TCF7L2: variants seen among roughly 807,000 people sequenced by gnomAD.
TCF7L2 encodes the protein transcription factor 7 like 2, also known as transcription factor 7-like 2.
Under a neutral mutation model 77.9 loss-of-function variants are expected in TCF7L2, and 23 were observed. The ratio of observed to expected loss-of-function variants is 0.30; its 90% confidence interval spans 0.21 to 0.42. The LOEUF (loss-of-function observed/expected upper bound fraction) is 0.42. Ranked by LOEUF, TCF7L2 falls within the 10% of genes least tolerant of loss-of-function variation. The pLI is 1.00. For missense variants in TCF7L2, 654 were observed against 793.1 expected, an observed-to-expected ratio of 0.82 and a Z score of 2.11; for synonymous variants, 413 against 340.2, an observed-to-expected ratio of 1.21 and a Z score of -2.36.
intron 4 of TCF7L2, among the ~76,000 whole-genome samples, chr10:113,027,244 T>G (rs1035034592): frequency 6.6e-6 from 1 of 152,220 alleles, no homozygotes; most frequent in Non-Finnish European, 1.5e-5. Flanking sequence ...ACATTCCTAG[T>G]TCCTCAACTG....
intron 5 of TCF7L2, among the ~76,000 whole-genome samples, chr10:113,042,464 G>A (rs1378929360): frequency 6.6e-6 from 1 of 152,104 alleles, no homozygotes; most frequent in Non-Finnish European, 1.5e-5. Flanking sequence ...CGGGGAGAAG[G>A]GAAAAGCCAT....
chr10:113,012,983 A>G (rs376401835), intron 4 of TCF7L2, among the ~76,000 whole-genome samples: 13 of 152,238 alleles, frequency 8.5e-5, no homozygotes, highest in African/African-American at 2.9e-4. Context: ...CGCCTGGTGC[A>G]GTCCGGCCCA....
In TCF7L2 at chr10:112,979,379, T is replaced by G. The variant is rs116524887; in HGVS notation, c.450+14755T>G. On this transcript the variant is annotated intron_variant, in intron 4 of 13. Transcript: ENST00000627217. ...ATTGAGTGCCCATTCCGGGCACATCTTTTATCCCAGAGTCAAATTCGTTAG... is the reference window on the plus strand; with the variant it reads ...ATTGAGTGCCCATTCCGGGCACATCGTTTATCCCAGAGTCAAATTCGTTAG... Among the ~76,000 whole-genome samples, 458 of 152,334 alleles carry G rather than the reference T, an allele frequency of 3.0e-3. 3 individuals carry two copies. The highest frequency in any genetic ancestry group is 0.01 in the African/African-American group (429 of 41,578).
chr10:113,034,047 T>A (rs2050705743), intron 4 of TCF7L2, among the ~76,000 whole-genome samples: 1 of 152,188 alleles, frequency 6.6e-6, no homozygotes, highest in African/African-American at 2.4e-5. Context: ...CAGGCAAAAT[T>A]ATTTGTTTAT....
chr10:113,023,079 C>T (rs1332237728), intron 4 of TCF7L2, among the ~76,000 whole-genome samples: 2 of 152,088 alleles, frequency 1.3e-5, no homozygotes, highest in Non-Finnish European at 2.9e-5. Flanking sequence ...ATTGTGGGGG[C>T]CGAGAAGAGG....
intron 4 of TCF7L2, among the ~76,000 whole-genome samples, chr10:112,991,402 G>A (rs1422884619): frequency 6.6e-6 from 1 of 152,016 alleles, no homozygotes; most frequent in Non-Finnish European, 1.5e-5. Context: ...CAGCTGCTCG[G>A]GAGTCTGAGG....
At chr10:113,051,987 T>G (rs2054551371) in intron 5 of TCF7L2, among the ~76,000 whole-genome samples, 1 of 152,198 alleles carries the variant, frequency 6.6e-6, no homozygotes, top group Non-Finnish European at 1.5e-5. Context: ...TCTCCTCTAC[T>G]TACTAACACT....
chr10:112,990,685 G>A (rs2042374418), intron 4 of TCF7L2, among the ~76,000 whole-genome samples: 1 of 152,054 alleles, frequency 6.6e-6, no homozygotes, highest in African/African-American at 2.4e-5. Context: ...CAGCCTGGAT[G>A]ACTGAGTGGG....
At chr10:113,037,660 G>A (rs2051576878) in intron 4 of TCF7L2, among the ~76,000 whole-genome samples, 1 of 152,134 alleles carries the variant, frequency 6.6e-6, no homozygotes, top group South Asian at 2.1e-4. Context: ...TCTTGGGTGG[G>A]TCCTCAGGGC....
chr10:113,057,094 G>C (rs1564835076), intron 5 of TCF7L2, among the ~76,000 whole-genome samples: 1 of 152,184 alleles, frequency 6.6e-6, no homozygotes, highest in African/African-American at 2.4e-5. Context: ...CTGTGAGTAG[G>C]TGATGATCAT....
chr10:113,052,617 C>G (rs1184403846), intron 5 of TCF7L2, among the ~76,000 whole-genome samples: 1 of 152,230 alleles, frequency 6.6e-6, no homozygotes, highest in East Asian at 1.9e-4. Context: ...TGGACTGTGG[C>G]TCAGCTGGCC....
chr10:113,004,803 G>A (rs190564844), intron 4 of TCF7L2, among the ~76,000 whole-genome samples: 1 of 152,090 alleles, frequency 6.6e-6, no homozygotes, highest in African/African-American at 2.4e-5. Flanking sequence ...CTCCTGAGTA[G>A]CTGGGATGTC....
At chr10:113,107,752 TAAA>T (rs398014821) in intron 5 of TCF7L2, among the ~76,000 whole-genome samples, 12 of 55,262 alleles carry the variant, frequency 2.2e-4, no homozygotes, top group Admixed American at 1.2e-3. Flanking sequence ...AGACTCCGTC[TAAA>T]AAAAAAAAAA....
chr10:112,957,431 A>G (rs991916004), intron 3 of TCF7L2, among the ~76,000 whole-genome samples: 24 of 151,986 alleles, frequency 1.6e-4, no homozygotes, highest in African/African-American at 4.4e-4. Context: ...GGTGAGGGGA[A>G]AAAAAATCCA....
intron 4 of TCF7L2, among the ~76,000 whole-genome samples, chr10:113,003,362 G>A (rs146035379): frequency 7.3e-4 from 111 of 152,284 alleles, no homozygotes; most frequent in Middle Eastern, 6.8e-3. Context: ...TTGTTTCCCA[G>A]CCACCCATGT....
chr10:113,160,948 G>A (rs2073071088), intron 13 of TCF7L2, among the ~76,000 whole-genome samples: 1 of 152,144 alleles, frequency 6.6e-6, no homozygotes, highest in South Asian at 2.1e-4. Flanking sequence ...AACAAACAAG[G>A]AGGGGCACTT....
In TCF7L2 at chr10:113,001,052, C is replaced by T. The variant is rs186187038; in HGVS notation, c.450+36428C>T. On this transcript the variant is annotated intron_variant, in intron 4 of 13. Transcript: ENST00000627217. ...ACGCAGAGTGCTCCGGAGGGCAGGC[C>T]TGGAGTCAGGAATGCTTCCTGCAAC... Among the ~76,000 whole-genome samples the T allele has an allele frequency of 4.6e-5, 7 of 152,312 alleles. No homozygotes were observed. In the East Asian group the frequency reaches 1.4e-3, roughly 29 times the overall value.
chr10:113,110,210 G>A (rs1038942857), intron 5 of TCF7L2, among the ~76,000 whole-genome samples: 2 of 152,026 alleles, frequency 1.3e-5, no homozygotes, highest in African/African-American at 4.8e-5. Flanking sequence ...TATTATCTTT[G>A]TAGATAATAA....
In TCF7L2 at chr10:113,117,428, T is replaced by C. The variant is rs11596490; in HGVS notation, c.553-23756T>C. ...CTCTCTCTCTCTCTCTCTCTCTCTC[T>C]CTCTCCCTCTCTCTCTCTCTCTCTC... On this transcript the variant is annotated intron_variant, in intron 5 of 13. Transcript: ENST00000627217. Among the ~76,000 whole-genome samples the C allele has an allele frequency of 8.2e-3, 204 of 24,818 alleles. 4 individuals are homozygous for C. The highest frequency in any genetic ancestry group is 0.013 in the Non-Finnish European group (161 of 11,946). The allele number at this position is 24,818 out of a possible 152,430, so 16.3% of individuals were successfully genotyped here. A position where few individuals can be genotyped will look rare whatever the true frequency, so the allele number is the denominator to read the frequency against.
Sources: allele counts gnomAD v4.1 joint callset (sites outside exome capture counted in the v4.1 genomes callset), GRCh38; gene constraint gnomAD v4.1.1; transcripts MANE v1.5; gene names NCBI Gene and HGNC (gene_info 2026-07-23, HGNC 2026-07-21).